SCAMP1: variants seen among roughly 807,000 people sequenced by gnomAD.
SCAMP1 encodes secretory carrier-associated membrane protein 1.
In SCAMP1, 15 loss-of-function variants were observed where a neutral mutation model predicts 41.8. That is an observed-to-expected ratio of 0.36 (90% CI 0.24 to 0.55). The LOEUF is 0.55. Ranked by LOEUF, SCAMP1 falls within the 20% of genes least tolerant of loss-of-function variation. The pLI is 0.86. For missense variants in SCAMP1, 341 were observed against 412.6 expected (o/e 0.83, Z 1.50); for synonymous variants, 135 against 136.8 (o/e 0.99, Z 0.09).
At chr5:78,423,465 C>G (rs989550181) in intron 6 of SCAMP1, among the ~76,000 whole-genome samples, 16 of 152,212 alleles carry the variant, frequency 1.1e-4, no homozygotes, top group African/African-American at 3.1e-4. Flanking sequence ...GACATCTAAC[C>G]TCTGCCTAAT....
At chr5:78,434,705 T>C (rs2112174113) in intron 6 of SCAMP1, among the ~76,000 whole-genome samples, 1 of 152,360 alleles carries the variant, frequency 6.6e-6, no homozygotes, top group East Asian at 1.9e-4. Context: ...ATAATCCTCT[T>C]GTGCTATATG....
At chr5:78,392,549 A>T (rs1329930208) in intron 2 of SCAMP1, among the ~76,000 whole-genome samples, 1 of 152,254 alleles carries the variant, frequency 6.6e-6, no homozygotes, top group African/African-American at 2.4e-5. Flanking sequence ...TCATGATTGT[A>T]AATGTTGAGA....
rs73128353 is a variant in SCAMP1, at chr5:78,379,283, T to G, written c.58-9554T>G. Among the ~76,000 whole-genome samples, 1,287 of 152,332 alleles carry G rather than the reference T, an allele frequency of 8.4e-3. 20 individuals carry two copies. Among genetic ancestry groups the G allele is most frequent in the African/African-American group, 0.029 (1,202 of 41,570 alleles). On this transcript the variant is annotated intron_variant, in intron 1 of 8. Coordinates refer to ENST00000621999, the MANE Select transcript of SCAMP1 (RefSeq NM_004866.6). ...TAAAAGTAAATGTAAAAGTAAATGCTGAATACTTAGTAGGCGTCAATATCA... is the reference window on the plus strand; with the variant it reads ...TAAAAGTAAATGTAAAAGTAAATGCGGAATACTTAGTAGGCGTCAATATCA...
intron 1 of SCAMP1, among the ~76,000 whole-genome samples, chr5:78,371,450 T>C (rs1475500985): frequency 6.6e-6 from 1 of 152,190 alleles, no homozygotes. Context: ...GGCACACTTG[T>C]CAAAAATCTC....
intron 6 of SCAMP1, among the ~76,000 whole-genome samples, chr5:78,426,995 T>C (rs933647600): frequency 3.9e-5 from 6 of 152,220 alleles, no homozygotes; most frequent in Non-Finnish European, 7.3e-5. Context: ...TTTTCAACTT[T>C]TGGCTTTTTG....
At position 78,468,912 on chromosome 5, in the gene SCAMP1, A is replaced by G. The variant is rs946354379; in HGVS notation, c.853-6592A>G. 1.2e-4 allele frequency among the ~76,000 whole-genome samples: 18 copies of G among 152,244 alleles called. No individual in the cohort carries two copies. The East Asian group carries it at 3.1e-3, about 26-fold the overall frequency. On this transcript the variant is annotated intron_variant, in intron 8 of 8. Transcript: ENST00000621999. ...AAGTGACTCTTACAGTTATCCCTCTATATGCAGGGGATTGGTTTCAGAACC... is the reference window on the plus strand; with the variant it reads ...AAGTGACTCTTACAGTTATCCCTCTGTATGCAGGGGATTGGTTTCAGAACC...
At chr5:78,373,673 G>A (rs891701866) in intron 1 of SCAMP1, among the ~76,000 whole-genome samples, 2 of 152,104 alleles carry the variant, frequency 1.3e-5, no homozygotes. Flanking sequence ...GTCAGAACAT[G>A]TTTTCATGTA....
intron 6 of SCAMP1, among the ~76,000 whole-genome samples, chr5:78,429,365 T>A (rs7707100): frequency 0.012 from 151 of 12,644 alleles, 1 homozygote; most frequent in East Asian, 0.051. Context: ...TTTTTTTTAA[T>A]TTTTTTTTAT....
At chr5:78,441,418 A>G (rs1006496645) in intron 6 of SCAMP1, among the ~76,000 whole-genome samples, 5 of 152,238 alleles carry the variant, frequency 3.3e-5, no homozygotes, top group African/African-American at 9.6e-5. Flanking sequence ...GGGGAAAATG[A>G]TGTTTCAAAG....
chr5:78,422,080 A>G (rs1752352272), intron 6 of SCAMP1, 120 bp downstream of exon 6: 3 of 843,812 alleles, frequency 3.6e-6, no homozygotes, highest in Middle Eastern at 3.7e-4. Flanking sequence ...GTTGTGTAAC[A>G]TACCTTCAGG....
At chr5:78,447,874 TA>T (rs1353570792) in intron 6 of SCAMP1, among the ~76,000 whole-genome samples, 2 of 32,448 alleles carry the variant, frequency 6.2e-5, no homozygotes, top group African/African-American at 1.3e-4. Flanking sequence ...CCCCTTCCCC[TA>T]CCCCTTCCTC....
At chr5:78,387,134 A>G (rs1751361039) in intron 1 of SCAMP1, among the ~76,000 whole-genome samples, 1 of 151,942 alleles carries the variant, frequency 6.6e-6, no homozygotes, top group Admixed American at 6.5e-5. Context: ...CTTGTTGGAG[A>G]CTTTTTTCAT....
At chr5:78,390,174 A>G (rs936354923) in intron 2 of SCAMP1, among the ~76,000 whole-genome samples, 9 of 152,322 alleles carry the variant, frequency 5.9e-5, no homozygotes, top group Non-Finnish European at 8.8e-5. Flanking sequence ...TGGTGTCCAA[A>G]GAGTTGGGGA....
chr5:78,415,679 T>C, intron 3 of SCAMP1, 61 bp downstream of exon 3: 1 of 1,042,892 alleles, frequency 9.6e-7, no homozygotes, highest in Non-Finnish European at 1.4e-6. Flanking sequence ...AACATTTGCT[T>C]TCAGAGCAAA....
At chr5:78,383,847 G>A (rs1204796681) in intron 1 of SCAMP1, among the ~76,000 whole-genome samples, 1 of 152,130 alleles carries the variant, frequency 6.6e-6, no homozygotes, top group Non-Finnish European at 1.5e-5. Context: ...TTATGGTATA[G>A]TTTGAAGTCT....
At chr5:78,475,427 A>G in intron 8 of SCAMP1, 77 bp from the exon 9 acceptor site, 1 of 1,054,616 alleles carries the variant, frequency 9.5e-7, no homozygotes, top group Admixed American at 3.2e-5. Flanking sequence ...TGTTTGATTA[A>G]TGTTGAGATT....
rs745791961 is a variant in SCAMP1 at position 78,418,907 on chromosome 5, A to G, written c.472+4A>G. 1 of 1,552,938 alleles carries G rather than the reference A, an allele frequency of 6.4e-7. No individual in the cohort carries two copies. The highest frequency in any genetic ancestry group is 8.7e-7 in the Non-Finnish European group (1 of 1,152,572). Reference sequence around the variant, plus strand: ...CTTATGTACTACTTGTGGATGTGTGAGTATACAACAATTTACATCTTTGCT... The same window carrying G: ...CTTATGTACTACTTGTGGATGTGTGGGTATACAACAATTTACATCTTTGCT... On this transcript the variant is annotated splice_donor_region_variant and intron_variant, in intron 5 of 8. Transcript: ENST00000621999.
intron 6 of SCAMP1, among the ~76,000 whole-genome samples, chr5:78,447,645 C>T (rs991200747): frequency 6.6e-6 from 1 of 151,732 alleles, no homozygotes; most frequent in Non-Finnish European, 1.5e-5. Flanking sequence ...TAGAAAACTC[C>T]TAGAAAAAAA....
At chr5:78,471,798 A>G (rs1384125533) in intron 8 of SCAMP1, among the ~76,000 whole-genome samples, 1 of 152,164 alleles carries the variant, frequency 6.6e-6, no homozygotes, top group East Asian at 1.9e-4. Flanking sequence ...AGTGTAACTC[A>G]TTTATATACA....
Sources: gnomAD v4.1 joint callset for allele counts (sites outside exome capture counted in the v4.1 genomes callset) on GRCh38, gnomAD v4.1.1 for gene constraint, MANE v1.5 for transcripts, NCBI Gene and HGNC (gene_info 2026-07-23, HGNC 2026-07-21) for gene names.